The following BMAL1 variants were observed in gnomAD, a reference collection of about 807,000 sequenced individuals.
BMAL1 encodes basic helix-loop-helix ARNT like 1.
At chr11:13,337,413 T>C in the BMAL1 span, among the ~76,000 whole-genome samples, 1 of 152,210 alleles carries the variant, frequency 6.6e-6, no homozygotes, top group African/African-American at 2.4e-5. Context: ...TTATTAAATG[T>C]ATATCTATTT....
chr11:13,370,471 C>T, the BMAL1 span, among the ~76,000 whole-genome samples: 2 of 152,328 alleles, frequency 1.3e-5, no homozygotes, highest in African/African-American at 4.8e-5. Flanking sequence ...ATCACCTGAG[C>T]CTCTCCTCCA....
chr11:13,380,640 C>G, the BMAL1 span: 8 of 152,458 alleles, frequency 5.2e-5, no homozygotes, highest in African/African-American at 1.9e-4. Flanking sequence ...GACCCTGGTG[C>G]CGTCCATGTC....
chr11:13,300,983 G>A, the BMAL1 span, among the ~76,000 whole-genome samples: 2 of 152,314 alleles, frequency 1.3e-5, no homozygotes, highest in African/African-American at 2.4e-5. Flanking sequence ...CTGTCACCAG[G>A]CTGGAGTGCA....
chr11:13,314,215 C>G, the BMAL1 span, among the ~76,000 whole-genome samples: 1 of 137,450 alleles, frequency 7.3e-6, no homozygotes, highest in African/African-American at 2.6e-5. Context: ...ACCTGAGCTC[C>G]TTAAGGGTGG....
chr11:13,356,912 C>T, the BMAL1 span: 130 of 1,585,588 alleles, frequency 8.2e-5, no homozygotes, highest in African/African-American at 1.7e-3. Flanking sequence ...CCTGTGGGCG[C>T]TCACTGTGTC....
chr11:13,366,887 CCTA>C, the BMAL1 span: 49 of 717,428 alleles, frequency 6.8e-5, no homozygotes, highest in African/African-American at 8.5e-4. Flanking sequence ...CCTTTCCAGT[CCTA>C]CTTCTCTGTC....
the BMAL1 span, among the ~76,000 whole-genome samples, chr11:13,363,171 AAAT>A: frequency 9.6e-6 from 1 of 103,804 alleles, no homozygotes; most frequent in Non-Finnish European, 2.1e-5. Context: ...TATATATGTA[AAAT>A]AATTATCAAG....
chr11:13,295,349 C>G, the BMAL1 span, among the ~76,000 whole-genome samples: 1 of 145,144 alleles, frequency 6.9e-6, no homozygotes, highest in African/African-American at 2.5e-5. Flanking sequence ...GAGAGAGAGA[C>G]GATTAGCAGG....
the BMAL1 span, among the ~76,000 whole-genome samples, chr11:13,282,715 T>G: frequency 7.8e-3 from 1,194 of 152,380 alleles, 12 homozygotes; most frequent in African/African-American, 0.027. Flanking sequence ...TCTTAGGTTC[T>G]GCTGCATTCC....
chr11:13,379,627 A>G, the BMAL1 span: 1 of 152,222 alleles, frequency 6.6e-6, no homozygotes, highest in Admixed American at 6.5e-5. Flanking sequence ...TTTCTTTATG[A>G]TAACAGGAAA....
At chr11:13,344,543 C>G in the BMAL1 span, among the ~76,000 whole-genome samples, 1 of 152,224 alleles carries the variant, frequency 6.6e-6, no homozygotes, top group Non-Finnish European at 1.5e-5. Context: ...CCCATTGTGG[C>G]TTCTGCTAGG....
the BMAL1 span, among the ~76,000 whole-genome samples, chr11:13,302,160 A>G: frequency 6.6e-6 from 1 of 152,190 alleles, no homozygotes; most frequent in African/African-American, 2.4e-5. Flanking sequence ...ACAGGAAGAC[A>G]GAGCTTTAAG....
the BMAL1 span, chr11:13,357,035 T>C: frequency 3.1e-6 from 5 of 1,614,102 alleles, no homozygotes; most frequent in African/African-American, 1.3e-5. The surrounding 1 kb of genome is among the most constrained non-coding windows in gnomAD (Gnocchi z 4.8). Flanking sequence ...TTTTTATCTT[T>C]TGCTTTTTCC....
chr11:13,386,592 A>G, the BMAL1 span: 1 of 1,608,790 alleles, frequency 6.2e-7, no homozygotes. Flanking sequence ...ATCTCCTCCC[A>G]CAGGTGAGAA....
the BMAL1 span, among the ~76,000 whole-genome samples, chr11:13,306,170 G>A: frequency 6.6e-6 from 1 of 152,148 alleles, no homozygotes; most frequent in African/African-American, 2.4e-5. Flanking sequence ...GAGCGTATAG[G>A]TCGGGGCTAG....
At chr11:13,372,560 A>G in the BMAL1 span, 43 of 1,287,666 alleles carry the variant, frequency 3.3e-5, no homozygotes, top group East Asian at 1.0e-3. Flanking sequence ...CTCAAATCCC[A>G]GCACTTTTTG....
chr11:13,382,291 C>T, the BMAL1 span, among the ~76,000 whole-genome samples: 8 of 83,314 alleles, frequency 9.6e-5, no homozygotes, highest in African/African-American at 2.8e-4. Context: ...GGTAAGACTA[C>T]AAAGTAAGAC....
chr11:13,357,096 G>C, the BMAL1 span: 1 of 1,614,170 alleles, frequency 6.2e-7, no homozygotes, highest in Non-Finnish European at 8.5e-7. The surrounding 1 kb of genome is among the most constrained non-coding windows in gnomAD (Gnocchi z 4.8). Flanking sequence ...AAAAATGCAA[G>C]GTAAGCTTGG....
chr11:13,289,574 G>A, the BMAL1 span, among the ~76,000 whole-genome samples: 2 of 152,154 alleles, frequency 1.3e-5, no homozygotes, highest in South Asian at 2.1e-4. Context: ...GATGTTCCCC[G>A]CCCCGTGTCC....
Sources: gnomAD v4.1 joint callset for allele counts (sites outside exome capture counted in the v4.1 genomes callset) on GRCh38, gnomAD v4.1.1 for gene constraint, Gnocchi (gnomAD v3.1) non-coding constraint, MANE v1.5 for transcripts, NCBI Gene and HGNC (gene_info 2026-07-23, HGNC 2026-07-21) for gene names.